Variants in KCNJ12 observed in about 807,000 individuals in gnomAD.
KCNJ12 encodes the protein potassium inwardly rectifying channel subfamily J member 12, also known as ATP-sensitive inward rectifier potassium channel 12.
In KCNJ12, 2 loss-of-function variants were observed where a neutral mutation model predicts 22.3. That is an observed-to-expected ratio of 0.09 (90% CI 0.04 to 0.28). The LOEUF (loss-of-function observed/expected upper bound fraction) is 0.28, where lower values mean the gene tolerates loss of function less well. KCNJ12 is among the 10% of genes least tolerant of loss of function. KCNJ12 has a pLI of 1.00. For missense variants in KCNJ12, 155 were observed against 633.3 expected (o/e 0.24, Z 8.11); for synonymous variants, 117 against 261.4 (o/e 0.45, Z 5.33).
At position 21,417,412 on chromosome 17, in the gene KCNJ12, T is replaced by A; in HGVS notation, c.*768T>A. ...GCTGGGAAGAAACTGGTTTGAGCTT[T>A]TAGAGTTTGCCTTTGTACCTTAGAG... On this transcript the variant is annotated 3_prime_UTR_variant, in exon 3 of 3. Transcript: ENST00000583088. 1 of 167,244 alleles carries A rather than the reference T, an allele frequency of 6.0e-6. No homozygotes were observed. The allele number at this position is 167,244 out of a possible 1,614,324, so 10.4% of individuals were successfully genotyped here.
intron 1 of KCNJ12, among the ~76,000 whole-genome samples, chr17:21,407,193 TACCCACCCATCC>T (rs1905999415): frequency 6.6e-6 from 1 of 151,746 alleles, no homozygotes; most frequent in Non-Finnish European, 1.5e-5. Flanking sequence ...TCTATCCATC[TACCCACCCATCC>T]ACCCACCCAT....
intron 1 of KCNJ12, among the ~76,000 whole-genome samples, chr17:21,395,568 C>CAAAAAAAAAAAAAAAAAAAAAAAAAA (rs10652801): frequency 4.2e-5 from 2 of 48,132 alleles, no homozygotes; most frequent in Middle Eastern, 0.021. Context: ...GACTTCTTCT[C>CAAAAAAAAAAAAAAAAAAAAAAAAAA]AAAAAAAAAA....
At chr17:21,378,339 C>T (rs1904740990) in intron 1 of KCNJ12, among the ~76,000 whole-genome samples, 2 of 152,226 alleles carry the variant, frequency 1.3e-5, no homozygotes, top group Non-Finnish European at 1.5e-5. Flanking sequence ...GTACTCCCTT[C>T]TGTATTCTGA....
Position 21,417,412 on chromosome 17 carries a change from T to G in KCNJ12, c.*768T>G, listed in dbSNP as rs113091387. 6.0e-6 allele frequency: 1 copy of G among 167,126 alleles called. No homozygotes were observed. The highest frequency in any genetic ancestry group is 2.4e-5 in the African/African-American group (1 of 41,452). 10.4% of individuals were successfully genotyped at this position (167,126 alleles called of 1,614,324 possible). A position where few individuals can be genotyped will look rare whatever the true frequency, so the allele number is the denominator to read the frequency against. ...GCTGGGAAGAAACTGGTTTGAGCTT[T>G]TAGAGTTTGCCTTTGTACCTTAGAG... On this transcript the variant is annotated 3_prime_UTR_variant, in exon 3 of 3. Transcript: ENST00000583088.
rs1179721381 is a variant in KCNJ12, at chr17:21,418,852, C to A, written c.*2208C>A. ...TGGTCACTTGGTGCTGGTGTAGGGG[C>A]CTGTGCCCTTCCAGGGCCAGTGAGA... On this transcript the variant is annotated 3_prime_UTR_variant, in exon 3 of 3. Transcript: ENST00000583088. The A allele has an allele frequency of 1.2e-5, 2 of 166,918 alleles. No individual in the cohort carries two copies. Among genetic ancestry groups the A allele is most frequent in the Non-Finnish European group, 2.9e-5 (2 of 68,222 alleles). The allele number at this position is 166,918 out of a possible 1,614,324, so 10.3% of individuals were successfully genotyped here.
At chr17:21,392,392 C>G (rs537041698) in intron 1 of KCNJ12, among the ~76,000 whole-genome samples, 2 of 152,226 alleles carry the variant, frequency 1.3e-5, no homozygotes, top group Non-Finnish European at 2.9e-5. Flanking sequence ...GTCTGGCCAC[C>G]GCAGCAAGGA....
At chr17:21,396,927 G>A (rs1176320882) in intron 1 of KCNJ12, among the ~76,000 whole-genome samples, 2 of 152,170 alleles carry the variant, frequency 1.3e-5, no homozygotes, top group South Asian at 2.1e-4. Flanking sequence ...TCGTTCAAGG[G>A]GGTCTCCCAG....
chr17:21,408,078 T>C (rs1156833293), intron 1 of KCNJ12, among the ~76,000 whole-genome samples: 2 of 152,284 alleles, frequency 1.3e-5, no homozygotes, highest in African/African-American at 4.8e-5. Flanking sequence ...AGGTTGGCGT[T>C]GGGAAGGCTC....
intron 1 of KCNJ12, among the ~76,000 whole-genome samples, chr17:21,390,195 T>C (rs1905175042): frequency 6.6e-6 from 1 of 151,974 alleles, no homozygotes; most frequent in African/African-American, 2.4e-5. Context: ...CTGTCACCCC[T>C]CACCCACAGG....
intron 1 of KCNJ12, among the ~76,000 whole-genome samples, chr17:21,388,173 G>A (rs1053154021): frequency 6.6e-6 from 1 of 152,166 alleles, no homozygotes; most frequent in Non-Finnish European, 1.5e-5. Context: ...TATCCTTCCC[G>A]GCAGAGAAGC....
At position 21,386,246 on chromosome 17, in the gene KCNJ12, C is replaced by T. The variant is rs555007119; in HGVS notation, c.-179+9333C>T. Among the ~76,000 whole-genome samples the T allele has an allele frequency of 3.5e-4, 53 of 152,318 alleles. No individual in the cohort carries two copies. The South Asian group carries it at 6.0e-3, about 17-fold the overall frequency. On this transcript the variant is annotated intron_variant, in intron 1 of 2. Coordinates refer to ENST00000583088, the MANE Select transcript of KCNJ12 (RefSeq NM_021012.5). ...TTCCCCCAACTTCTGGGGCTTCTGG[C>T]GGTCCTGGCATTCCTTGGCTTGTGG... is the stretch of plus-strand genomic sequence containing the variant.
chr17:21,409,553 G>T (rs1437067714), intron 2 of KCNJ12, among the ~76,000 whole-genome samples: 2 of 152,312 alleles, frequency 1.3e-5, no homozygotes, highest in Non-Finnish European at 2.9e-5. Flanking sequence ...CGCTGGGGAG[G>T]CCAGGGAAGC....
At chr17:21,392,274 C>A (rs1418621132) in intron 1 of KCNJ12, among the ~76,000 whole-genome samples, 1 of 152,230 alleles carries the variant, frequency 6.6e-6, no homozygotes, top group Non-Finnish European at 1.5e-5. Context: ...TTCCAGAGGT[C>A]CAGGCACATA....
Position 21,376,820 on chromosome 17 carries a change from G to C in KCNJ12, c.-272G>C, listed in dbSNP as rs1336413617. ...GCCCTGAGGCGGTGGCGGCAGCGGC[G>C]GCGATGCAGCCAGCGCGGCAGCTGC... On this transcript the variant is annotated 5_prime_UTR_variant, in exon 1 of 3. Coordinates refer to ENST00000583088, the MANE Select transcript of KCNJ12 (RefSeq NM_021012.5). This position sits in a 1 kb window ranked among gnomAD's most constrained non-coding sequence, Gnocchi z 5.3. 2.0e-5 allele frequency: 3 copies of C among 151,464 alleles called. No homozygotes were observed. The highest frequency in any genetic ancestry group is 4.4e-5 in the Non-Finnish European group (3 of 67,832). 9.4% of individuals were successfully genotyped at this position (151,464 alleles called of 1,614,324 possible). A position where few individuals can be genotyped will look rare whatever the true frequency, so the allele number is the denominator to read the frequency against.
intron 1 of KCNJ12, among the ~76,000 whole-genome samples, chr17:21,404,820 T>C (rs1193196219): frequency 5.9e-5 from 9 of 152,246 alleles, no homozygotes; most frequent in African/African-American, 1.9e-4. Flanking sequence ...GTCAGAAACA[T>C]TCCCTGGTGT....
intron 2 of KCNJ12, among the ~76,000 whole-genome samples, chr17:21,411,012 G>C (rs1301419765): frequency 2.2e-4 from 33 of 152,408 alleles, no homozygotes; most frequent in Admixed American, 9.1e-4. Flanking sequence ...GATGGGGGCT[G>C]TTGGCGCCTC....
At chr17:21,381,586 CA>C (rs1400495098) in intron 1 of KCNJ12, among the ~76,000 whole-genome samples, 9 of 152,102 alleles carry the variant, frequency 5.9e-5, no homozygotes, top group Non-Finnish European at 1.2e-4. Context: ...TGTTCTTTCC[CA>C]GATCTCTGCA....
intron 1 of KCNJ12, among the ~76,000 whole-genome samples, chr17:21,407,496 C>T (rs1244719552): frequency 6.6e-6 from 1 of 152,204 alleles, no homozygotes; most frequent in Non-Finnish European, 1.5e-5. Context: ...TCCACTCATT[C>T]ACTCACCCAT....
intron 1 of KCNJ12, among the ~76,000 whole-genome samples, chr17:21,384,770 G>GTTT (rs200586129): frequency 1.7e-4 from 22 of 128,652 alleles, no homozygotes; most frequent in East Asian, 4.4e-4. Context: ...TTGTTTGTTT[G>GTTT]TTTTTTTTTT....
Sources: allele counts gnomAD v4.1 joint callset (sites outside exome capture counted in the v4.1 genomes callset), GRCh38; gene constraint gnomAD v4.1.1; non-coding constraint Gnocchi (gnomAD v3.1); transcripts MANE v1.5; gene names NCBI Gene and HGNC (gene_info 2026-07-23, HGNC 2026-07-21).